The following THOC2 variants were observed in gnomAD, a reference collection of about 807,000 sequenced individuals.
THOC2 encodes THO complex 2.
In THOC2, 10 loss-of-function variants were observed where a neutral mutation model predicts 128.4. The observed-to-expected ratio is 0.08, with a 90% CI of 0.05 to 0.13. The LOEUF (loss-of-function observed/expected upper bound fraction) is 0.13, where lower values mean the gene tolerates loss of function less well. Among genes scored for constraint, THOC2 ranks in the 10% least tolerant of loss-of-function variants. The probability of loss-of-function intolerance (pLI) is 1.00; values close to 1 mark genes in which losing one functional copy is unlikely to be tolerated. For synonymous variants in THOC2, 393 were observed against 396.9 expected, an observed-to-expected ratio of 0.99 and a Z score of 0.12; for missense variants, 535 against 1,155.7, an observed-to-expected ratio of 0.46 and a Z score of 7.79.
intron 38 of THOC2, chrX:123,602,694 T>C (rs1319920204): frequency 9.0e-6 from 1 of 111,121 alleles, no homozygotes; most frequent in East Asian, 2.8e-4. Flanking sequence ...TAAAAACCAT[T>C]GAATTGTACA....
At chrX:123,622,626 G>A (rs1039254742) in intron 30 of THOC2, 132 bp downstream of exon 30, 4 of 418,731 alleles carry the variant, frequency 9.6e-6, no homozygotes, top group African/African-American at 7.5e-5. Flanking sequence ...GCCAAGGCAG[G>A]TGGATCGCTT....
intron 36 of THOC2, 131 bp from the exon 37 acceptor site, chrX:123,611,647 C>A: frequency 2.5e-6 from 1 of 404,921 alleles, no homozygotes; most frequent in Non-Finnish European, 4.2e-6. Flanking sequence ...AAAGCATAAG[C>A]AACAAAAGGA....
chrX:123,625,017 G>A (rs924870100), intron 25 of THOC2, among the ~76,000 whole-genome samples: 1 of 111,453 alleles, frequency 9.0e-6, no homozygotes, highest in African/African-American at 3.3e-5. Context: ...TTTACGGGGA[G>A]AGTAAGCAGA....
intron 1 of THOC2, among the ~76,000 whole-genome samples, chrX:123,731,462 G>A (rs2052250486): frequency 8.9e-6 from 1 of 112,091 alleles, no homozygotes; most frequent in Non-Finnish European, 1.9e-5. Context: ...GACTTTAAGT[G>A]CATGAGCTGT....
Position 123,642,980 on chromosome X carries a change from G to A in THOC2, c.1661+1595C>T, listed in dbSNP as rs144890136. On this transcript the variant is annotated intron_variant, in intron 15 of 38. Coordinates refer to ENST00000245838, the MANE Select transcript of THOC2 (RefSeq NM_001081550.2). ...ATCATAGCAAGGTACCTAGAGGTAT[G>A]ATAACATTATATGCTAAAGAATAGT... Among the ~76,000 whole-genome samples the A allele has an allele frequency of 5.5e-3, 618 of 111,365 alleles. 4 individuals carry two copies. Among genetic ancestry groups the A allele is most frequent in the Middle Eastern group, 0.023 (5 of 215 alleles).
Position 123,667,252 on chromosome X carries a change from C to G in THOC2, c.1044G>C (p.Leu348Phe). ...CACCAATCTTTAATAAGGCTTCCAA[C>G]AAGCCAAGTTTTTGGTTATCAGGTG... ...EKPPDNQKLG[L>F]LEALLKIGDW... Residue 348 changes from leucine to phenylalanine, a missense_variant, in exon 11 of 39, where the codon TTG becomes TTC. Physicochemically the swap from Leu to Phe is conservative, Grantham distance 22. This residue lies in a region of THOC2 where 197 missense variants were observed against 313.4 expected (regional missense o/e 0.63). Transcript: ENST00000245838. 1 of 1,203,021 alleles carries G rather than the reference C, an allele frequency of 8.3e-7. No individual in the cohort carries two copies. The highest frequency in any genetic ancestry group is 3.0e-5 in the East Asian group (1 of 33,634).
At chrX:123,608,067 G>T (rs754144926) in intron 38 of THOC2, among the ~76,000 whole-genome samples, 1 of 109,686 alleles carries the variant, frequency 9.1e-6, no homozygotes, top group Non-Finnish European at 1.9e-5. Context: ...TGGGCAACAT[G>T]GCGAAACCCC....
At chrX:123,633,745 C>T (rs1448102344) in intron 20 of THOC2, among the ~76,000 whole-genome samples, 4 of 111,762 alleles carry the variant, frequency 3.6e-5, no homozygotes, top group Non-Finnish European at 7.5e-5. Context: ...TTACTTACTG[C>T]CTTTTATACT....
intron 12 of THOC2, among the ~76,000 whole-genome samples, chrX:123,663,704 T>C (rs1177355426): frequency 9.1e-6 from 1 of 109,618 alleles, no homozygotes; most frequent in African/African-American, 3.3e-5. Context: ...ATGTGCCATG[T>C]TGGTGTGCTG....
chrX:123,721,524 G>A (rs1260006129), intron 1 of THOC2, among the ~76,000 whole-genome samples: 8 of 106,644 alleles, frequency 7.5e-5, no homozygotes, highest in East Asian at 3.1e-4. Context: ...GGTGGCTCAC[G>A]CCTGTAATCC....
chrX:123,607,444 TTTTATTTATTTATTTA>T (rs201176690), intron 38 of THOC2, among the ~76,000 whole-genome samples: 175 of 97,798 alleles, frequency 1.8e-3, no homozygotes, highest in African/African-American at 6.0e-3. Context: ...CCTAGCTAAG[TTTTATTTATTTATTTA>T]TTTATTTATT....
intron 14 of THOC2, 22 bp from the exon 15 acceptor site, chrX:123,644,698 G>GA: frequency 9.1e-7 from 1 of 1,101,441 alleles, no homozygotes; most frequent in Middle Eastern, 2.5e-4. Flanking sequence ...ATGAGATGAA[G>GA]AATTAGGAAA....
At chrX:123,603,784 G>C in intron 38 of THOC2, 1 of 291,164 alleles carries the variant, frequency 3.4e-6, no homozygotes. Flanking sequence ...AGAGCAAGTG[G>C]AAAGAAGATA....
intron 4 of THOC2, among the ~76,000 whole-genome samples, chrX:123,699,272 G>A (rs1384013752): frequency 8.9e-6 from 1 of 111,908 alleles, no homozygotes; most frequent in Non-Finnish European, 1.9e-5. Context: ...AAAGAGAAAG[G>A]GATTTTTCAT....
intron 34 of THOC2, 152 bp from the exon 35 acceptor site, chrX:123,613,860 A>G: frequency 1.4e-6 from 1 of 693,257 alleles, no homozygotes; most frequent in Non-Finnish European, 2.2e-6. Context: ...AGACAAGCAG[A>G]GCTGACAGAG....
intron 11 of THOC2, among the ~76,000 whole-genome samples, chrX:123,666,328 C>T (rs1380330564): frequency 9.0e-6 from 1 of 111,626 alleles, no homozygotes; most frequent in Non-Finnish European, 1.9e-5. Context: ...AGAATGTGGT[C>T]GTAGGGAAAG....
At chrX:123,626,784 C>A (rs2047284677) in intron 23 of THOC2, 122 bp from the exon 24 acceptor site, 1 of 613,847 alleles carries the variant, frequency 1.6e-6, no homozygotes, top group African/African-American at 2.3e-5. Flanking sequence ...AATATAGGTC[C>A]ACTTGAACGT....
In THOC2 at chrX:123,665,584, A is replaced by G. The variant is rs2049017916; in HGVS notation, c.1386+58T>C. On this transcript the variant is annotated intron_variant, in intron 12 of 38. Coordinates refer to ENST00000245838, the MANE Select transcript of THOC2 (RefSeq NM_001081550.2). ...TATTTCTAAAGATACTCATAACACA[A>G]GTATACTCAGAATATTTTCATTTCA... is the stretch of plus-strand genomic sequence containing the variant. The G allele has an allele frequency of 6.2e-6, 5 of 803,420 alleles. No homozygotes were observed. In the South Asian group the frequency reaches 1.9e-4, roughly 30 times the overall value. The allele number at this position is 803,420 out of a possible 1,213,427, so 66.2% of individuals were successfully genotyped here. A position where few individuals can be genotyped will look rare whatever the true frequency, so the allele number is the denominator to read the frequency against.
At chrX:123,722,465 G>A (rs2051745571) in intron 1 of THOC2, among the ~76,000 whole-genome samples, 1 of 110,690 alleles carries the variant, frequency 9.0e-6, no homozygotes, top group South Asian at 3.8e-4. Context: ...ACTAACACAG[G>A]AACAAAAAAA....
Sources: allele counts gnomAD v4.1 joint callset (sites outside exome capture counted in the v4.1 genomes callset), GRCh38; gene constraint gnomAD v4.1.1; regional missense constraint gnomAD v4.1.1; transcripts MANE v1.5; gene names NCBI Gene and HGNC (gene_info 2026-07-23, HGNC 2026-07-21).